Variants in SPOP observed in about 807,000 individuals in gnomAD.
SPOP encodes speckle type BTB/POZ protein.
A neutral mutation model predicts 45.6 loss-of-function variants in SPOP; 11 were observed. That is an observed-to-expected ratio of 0.24 (90% confidence interval 0.15 to 0.40). The LOEUF (loss-of-function observed/expected upper bound fraction) is 0.40. SPOP is among the 10% of genes least tolerant of loss of function. The probability of loss-of-function intolerance (pLI) is 1.00; values close to 1 mark genes in which losing one functional copy is unlikely to be tolerated. For synonymous variants in SPOP, 166 were observed against 166.3 expected, an observed-to-expected ratio of 1.00 and a Z score of 0.01; for missense variants, 152 against 465.6, an observed-to-expected ratio of 0.33 and a Z score of 6.20.
chr17:49,620,279 A>G (rs1336655901), intron 3 of SPOP, among the ~76,000 whole-genome samples: 1 of 152,096 alleles, frequency 6.6e-6, no homozygotes, highest in Non-Finnish European at 1.5e-5. Context: ...TAAGTTCGAG[A>G]ATGGCCTGAC....
chr17:49,604,352 C>T (rs539889885), intron 8 of SPOP, among the ~76,000 whole-genome samples: 3 of 152,266 alleles, frequency 2.0e-5, no homozygotes, highest in East Asian at 3.8e-4. Flanking sequence ...AAGAAAGATA[C>T]GGTTATTATT....
At chr17:49,610,338 C>T (rs1432446523) in intron 6 of SPOP, among the ~76,000 whole-genome samples, 2 of 152,014 alleles carry the variant, frequency 1.3e-5, no homozygotes, top group Admixed American at 1.3e-4. Flanking sequence ...CCTGTCTCAG[C>T]CTCTGGAGCA....
At chr17:49,657,110 G>A (rs1159898737) in intron 1 of SPOP, among the ~76,000 whole-genome samples, 2 of 151,908 alleles carry the variant, frequency 1.3e-5, no homozygotes, top group Non-Finnish European at 2.9e-5. Context: ...TGGTGAACCT[G>A]GGAGGCGGAG....
At chr17:49,672,153 T>C (rs2073144397) in intron 1 of SPOP, among the ~76,000 whole-genome samples, 2 of 152,040 alleles carry the variant, frequency 1.3e-5, no homozygotes, top group African/African-American at 4.8e-5. Context: ...AAAAAAATTA[T>C]AATTTATTCC....
chr17:49,616,305 T>C (rs999430909), intron 5 of SPOP, among the ~76,000 whole-genome samples: 4 of 152,172 alleles, frequency 2.6e-5, no homozygotes, highest in African/African-American at 9.7e-5. Context: ...AGAATCCCTA[T>C]GAAACAACTG....
intron 5 of SPOP, among the ~76,000 whole-genome samples, chr17:49,612,619 C>T (rs1474356657): frequency 6.6e-6 from 1 of 152,202 alleles, no homozygotes. Flanking sequence ...GTACCAAATA[C>T]AAGGATTTAT....
At chr17:49,665,270 C>G (rs2073037937) in intron 1 of SPOP, among the ~76,000 whole-genome samples, 2 of 151,904 alleles carry the variant, frequency 1.3e-5, no homozygotes, top group African/African-American at 2.4e-5. Context: ...AGGAAAAGTC[C>G]ATTATATATC....
At position 49,599,805 on chromosome 17, in the gene SPOP, C is replaced by A; in HGVS notation, c.*573G>T. On this transcript the variant is annotated 3_prime_UTR_variant, in exon 10 of 10. Transcript: ENST00000504102. ...ATTCTGTTCTTGCAAACAATAAGTG[C>A]TAACAACAAGAGAGCTCTTCTGATG... The A allele has an allele frequency of 4.8e-6, 1 of 209,032 alleles. No individual in the cohort carries two copies. The highest frequency in any genetic ancestry group is 9.8e-6 in the Non-Finnish European group (1 of 102,428). 12.9% of individuals were successfully genotyped at this position (209,032 alleles called of 1,614,324 possible).
chr17:49,660,437 T>C (rs144065313), intron 1 of SPOP, among the ~76,000 whole-genome samples: 7 of 152,328 alleles, frequency 4.6e-5, no homozygotes, highest in African/African-American at 1.4e-4. Context: ...TATCCCTTTT[T>C]CGGGTCGTAT....
intron 1 of SPOP, among the ~76,000 whole-genome samples, chr17:49,665,425 T>C (rs981518503): frequency 9.2e-5 from 14 of 151,482 alleles, no homozygotes; most frequent in Middle Eastern, 3.4e-3. Context: ...TCATCCTGGC[T>C]AACATAGTGA....
intron 1 of SPOP, among the ~76,000 whole-genome samples, chr17:49,658,365 C>T (rs1242296146): frequency 6.6e-6 from 1 of 152,066 alleles, no homozygotes; most frequent in South Asian, 2.1e-4. Context: ...TCAGCAAAAG[C>T]AAATACTTTT....
Position 49,672,824 on chromosome 17 carries a change from A to C in SPOP, c.-67+5109T>G, listed in dbSNP as rs538113043. 4.2e-4 allele frequency among the ~76,000 whole-genome samples: 64 copies of C among 152,140 alleles called. 2 individuals carry two copies. The highest frequency in any genetic ancestry group is 1.4e-3 in the African/African-American group (58 of 41,516). ...TAGCCAGGTGTGGTGGTGGGCACCT[A>C]TAATCCCAGCTCCTCAGAAGACTAA... On this transcript the variant is annotated intron_variant, in intron 1 of 9. Coordinates refer to ENST00000504102, the MANE Select transcript of SPOP (RefSeq NM_001007228.2).
intron 1 of SPOP, among the ~76,000 whole-genome samples, chr17:49,627,146 G>A: frequency 6.6e-6 from 1 of 152,200 alleles, no homozygotes; most frequent in Non-Finnish European, 1.5e-5. Context: ...ACCACGCCCG[G>A]CCAGGAATTT....
intron 1 of SPOP, among the ~76,000 whole-genome samples, chr17:49,653,822 AAATAT>A (rs925141869): frequency 2.0e-5 from 3 of 149,292 alleles, no homozygotes; most frequent in South Asian, 2.1e-4. Flanking sequence ...TATATAATAT[AAATAT>A]AATATACACA....
chr17:49,627,904 C>T (rs2072370063), intron 1 of SPOP, among the ~76,000 whole-genome samples: 1 of 152,144 alleles, frequency 6.6e-6, no homozygotes, highest in South Asian at 2.1e-4. Context: ...AACCAAACAA[C>T]CTGCTGGAAA....
At chr17:49,601,677 T>A in intron 9 of SPOP, 188 bp downstream of exon 9, 1 of 656,194 alleles carries the variant, frequency 1.5e-6, no homozygotes, top group Non-Finnish European at 2.5e-6. Flanking sequence ...AACACTTTAC[T>A]CACCAATAGG....
chr17:49,651,887 C>T (rs1157502131), intron 1 of SPOP, among the ~76,000 whole-genome samples: 3 of 151,976 alleles, frequency 2.0e-5, no homozygotes, highest in African/African-American at 4.8e-5. Flanking sequence ...GGCGTGGTGG[C>T]GGGCGCCTGT....
chr17:49,649,447 G>A (rs2072810362), intron 1 of SPOP, among the ~76,000 whole-genome samples: 1 of 152,008 alleles, frequency 6.6e-6, no homozygotes, highest in South Asian at 2.1e-4. Context: ...TGAGGCAGGA[G>A]AATTGCTTAA....
intron 1 of SPOP, among the ~76,000 whole-genome samples, chr17:49,635,090 C>T (rs1314830636): frequency 6.6e-6 from 1 of 152,172 alleles, no homozygotes; most frequent in Non-Finnish European, 1.5e-5. Flanking sequence ...AAAAGCCTAA[C>T]TACTATTTAC....
Sources: allele counts gnomAD v4.1 joint callset (sites outside exome capture counted in the v4.1 genomes callset), GRCh38; gene constraint gnomAD v4.1.1; transcripts MANE v1.5; gene names NCBI Gene and HGNC (gene_info 2026-07-23, HGNC 2026-07-21).